Variants in EIF2S3 observed in about 807,000 individuals in gnomAD.
EIF2S3 encodes the protein eukaryotic translation initiation factor 2 subunit gamma.
In EIF2S3, 2 loss-of-function variants were observed where a neutral mutation model predicts 31.7. That is an observed-to-expected ratio of 0.06 (90% CI 0.03 to 0.20). EIF2S3 has a LOEUF of 0.20. Among genes scored for constraint, EIF2S3 ranks in the 10% least tolerant of loss-of-function variants. The pLI, the probability that EIF2S3 is intolerant of heterozygous loss-of-function variation, is 1.00. For missense variants in EIF2S3, 96 were observed against 359.3 expected (o/e 0.27, Z 5.92); for synonymous variants, 120 against 126.7 (o/e 0.95, Z 0.36).
At chrX:24,072,532 C>T (rs919950810) in intron 10 of EIF2S3, among the ~76,000 whole-genome samples, 1 of 111,423 alleles carries the variant, frequency 9.0e-6, no homozygotes, top group Non-Finnish European at 1.9e-5. Flanking sequence ...ATCTGCCCAC[C>T]CCAGCCTCCG....
chrX:24,072,448 T>G lies in EIF2S3; in HGVS notation c.1183-643T>G, dbSNP rs755512308. Among the ~76,000 whole-genome samples the G allele has an allele frequency of 2.8e-3, 309 of 110,466 alleles. 2 individuals are homozygous for G. Among genetic ancestry groups the G allele is most frequent in the African/African-American group, 9.7e-3 (295 of 30,476 alleles). On this transcript the variant is annotated intron_variant, in intron 10 of 11. Transcript: ENST00000253039. ...ACAGGTGTGGGTCACCACGCCTGGC[T>G]AATTTTGTATTTTTTGTAGAGACGG... is the stretch of plus-strand genomic sequence containing the variant.
At chrX:24,066,441 C>A (rs1930574290) in intron 8 of EIF2S3, among the ~76,000 whole-genome samples, 1 of 109,990 alleles carries the variant, frequency 9.1e-6, no homozygotes, top group Non-Finnish European at 1.9e-5. Flanking sequence ...TCTAGATGTG[C>A]TGCTGCAAAT....
At position 24,062,516 on chromosome X, in the gene EIF2S3, T is replaced by C; in HGVS notation, c.579T>C (p.Asp193=). ...TTTTGATTCTACAAAATAAAATTGA[T>C]TTGGTAAAAGAAAGTCAGGCTAAAG... is the stretch of plus-strand genomic sequence containing the variant. ...KHILILQNKI[D]LVKESQAKEQ... is the part of the protein sequence containing the mutation. The change falls in exon 6 of 12, where the codon GAT becomes GAC. Residue 193 remains aspartate, a synonymous_variant. Coordinates refer to ENST00000253039, the MANE Select transcript of EIF2S3 (RefSeq NM_001415.4). 1 of 1,211,083 alleles carries C rather than the reference T, an allele frequency of 8.3e-7. No individual in the cohort carries two copies. Among genetic ancestry groups the C allele is most frequent in the South Asian group, 1.8e-5 (1 of 56,823 alleles).
intron 11 of EIF2S3, among the ~76,000 whole-genome samples, chrX:24,075,444 A>G (rs1371993118): frequency 3.6e-5 from 4 of 111,295 alleles, no homozygotes; most frequent in African/African-American, 1.3e-4. Flanking sequence ...ACCTCATCAC[A>G]GTCCATACCA....
rs1930759636 is a variant in EIF2S3, at chrX:24,076,851, G to A, written c.*66G>A. On this transcript the variant is annotated 3_prime_UTR_variant, in exon 12 of 12. Coordinates refer to ENST00000253039, the MANE Select transcript of EIF2S3 (RefSeq NM_001415.4). ...TTGGAATTCCTCTTAACAACCAAGG[G>A]GTTTATTTTCAAAGCAATATTGGGG... 9.9e-7 allele frequency: 1 copy of A among 1,013,700 alleles called. No homozygotes were observed. The highest frequency in any genetic ancestry group is 2.9e-5 in the Admixed American group (1 of 34,070). The allele number at this position is 1,013,700 out of a possible 1,213,427, so 83.5% of individuals were successfully genotyped here.
chrX:24,066,840 C>A (rs916027760), intron 8 of EIF2S3, among the ~76,000 whole-genome samples: 2 of 112,086 alleles, frequency 1.8e-5, no homozygotes, highest in African/African-American at 6.5e-5. Flanking sequence ...TTTATCCATT[C>A]ATCTGTTCAT....
chrX:24,063,947 A>G (rs1331736965), intron 6 of EIF2S3, among the ~76,000 whole-genome samples: 1 of 111,945 alleles, frequency 8.9e-6, no homozygotes, highest in Non-Finnish European at 1.9e-5. Context: ...TCATTGTACT[A>G]ATATTAAGTA....
At chrX:24,057,183 A>G (rs1231311783) in intron 2 of EIF2S3, among the ~76,000 whole-genome samples, 3 of 111,924 alleles carry the variant, frequency 2.7e-5, no homozygotes, top group Non-Finnish European at 5.6e-5. Context: ...GGCATGCGCC[A>G]CCACGCCCAG....
At chrX:24,073,973 A>G (rs1367570358) in intron 11 of EIF2S3, among the ~76,000 whole-genome samples, 1 of 112,183 alleles carries the variant, frequency 8.9e-6, no homozygotes, top group Non-Finnish European at 1.9e-5. Context: ...TATATATGTT[A>G]TGCTTCTTGA....
chrX:24,065,903 T>A, intron 7 of EIF2S3, 95 bp from the exon 8 acceptor site: 1 of 782,887 alleles, frequency 1.3e-6, no homozygotes, highest in Non-Finnish European at 1.9e-6. Flanking sequence ...GGTATAAATC[T>A]CAAATGGCCA....
intron 6 of EIF2S3, among the ~76,000 whole-genome samples, chrX:24,063,459 G>A (rs1410184008): frequency 1.8e-5 from 2 of 111,713 alleles, no homozygotes; most frequent in Non-Finnish European, 3.8e-5. Context: ...TCTTTGACTA[G>A]CTTGTTTGAC....
chrX:24,076,141 G>A (rs1262671755), intron 11 of EIF2S3, among the ~76,000 whole-genome samples: 4 of 111,922 alleles, frequency 3.6e-5, no homozygotes, highest in African/African-American at 1.3e-4. Flanking sequence ...ATTATTTGTG[G>A]TGACTTATGC....
At chrX:24,066,898 A>G (rs1251516480) in intron 8 of EIF2S3, among the ~76,000 whole-genome samples, 1 of 111,995 alleles carries the variant, frequency 8.9e-6, no homozygotes, top group African/African-American at 3.2e-5. Context: ...CTGTGCTACA[A>G]TAAACATGGG....
intron 4 of EIF2S3, among the ~76,000 whole-genome samples, chrX:24,059,235 G>C (rs1244333140): frequency 9.0e-6 from 1 of 111,489 alleles, no homozygotes; most frequent in Non-Finnish European, 1.9e-5. Context: ...TAGGTATGGT[G>C]GTGGGCCAGA....
intron 6 of EIF2S3, 52 bp downstream of exon 6, chrX:24,062,626 A>G (rs1237891016): frequency 8.9e-7 from 1 of 1,120,892 alleles, no homozygotes; most frequent in Admixed American, 2.5e-5. Context: ...AGAGGCATTT[A>G]CTCTGGATAC....
Position 24,057,645 on chromosome X carries a change from G to A in EIF2S3, c.274G>A (p.Asp92Asn), listed in dbSNP as rs1279741087. Residue 92 changes from aspartate to asparagine, a missense_variant, in exon 4 of 12, where the codon GAT becomes AAT. Physicochemically the swap from Asp to Asn is conservative, Grantham distance 23. Around this residue, in one of 5 missense-constraint regions of EIF2S3, gnomAD observed 22 missense variants for 34.5 expected, o/e 0.64. Coordinates refer to ENST00000253039, the MANE Select transcript of EIF2S3 (RefSeq NM_001415.4). Reference sequence around the variant, plus strand: ...ATTGAAATTTTAGATTTATAAGCTTGATGACCCAAGTTGCCCTCGGCCAGA... The same window carrying A: ...ATTGAAATTTTAGATTTATAAGCTTAATGACCCAAGTTGCCCTCGGCCAGA... ...GYANAKIYKL[D>N]DPSCPRPECY... is the part of the protein sequence containing the mutation. 2.5e-6 allele frequency: 3 copies of A among 1,211,282 alleles called. No homozygotes were observed. In the Admixed American group the frequency reaches 6.6e-5, roughly 26 times the overall value.
chrX:24,055,003 A>C lies in EIF2S3; in HGVS notation c.35A>C (p.Gln12Pro). ...AGGEAGVTLGQPHLSRQDLTT... is the reference protein window; with the variant it reads ...AGGEAGVTLGPPHLSRQDLTT... ...GGAGAAGCTGGAGTGACTCTAGGGC[A>C]GCCGCATCTTTCGCGTCAGGATCTC... Residue 12 changes from glutamine (Q) to proline (P), a missense_variant, in exon 1 of 12, where the codon CAG becomes CCG. By Grantham distance (76) the Gln-to-Pro change is moderately conservative. Around this residue, in one of 5 missense-constraint regions of EIF2S3, gnomAD observed 27 missense variants for 21.3 expected, o/e 1.27. Coordinates refer to ENST00000253039, the MANE Select transcript of EIF2S3 (RefSeq NM_001415.4). The C allele has an allele frequency of 8.3e-7, 1 of 1,211,237 alleles. No individual in the cohort carries two copies. The highest frequency in any genetic ancestry group is 1.1e-6 in the Non-Finnish European group (1 of 895,484).
intron 9 of EIF2S3, among the ~76,000 whole-genome samples, chrX:24,069,266 C>T (rs1279385730): frequency 1.9e-5 from 2 of 107,332 alleles, no homozygotes; most frequent in African/African-American, 6.8e-5. Flanking sequence ...CCTGTAATCC[C>T]GGCTACTCGG....
At chrX:24,069,567 G>A (rs1407917933) in intron 9 of EIF2S3, among the ~76,000 whole-genome samples, 3 of 108,823 alleles carry the variant, frequency 2.8e-5, no homozygotes, top group Admixed American at 2.0e-4. Context: ...GATTAGCTGG[G>A]TTTGGTGGTG....
Sources: allele counts gnomAD v4.1 joint callset (sites outside exome capture counted in the v4.1 genomes callset), GRCh38; gene constraint gnomAD v4.1.1; regional missense constraint gnomAD v4.1.1; transcripts MANE v1.5; gene names NCBI Gene and HGNC (gene_info 2026-07-23, HGNC 2026-07-21).